Variants in SLC4A4 observed in about 807,000 individuals in gnomAD.
SLC4A4 encodes solute carrier family 4 member 4.
SLC4A4 carries 27 observed loss-of-function variants against 111.5 expected under a neutral mutation model. The observed-to-expected ratio is 0.24, with a 90% CI of 0.18 to 0.33. The LOEUF (loss-of-function observed/expected upper bound fraction) is 0.33. SLC4A4 is among the 10% of genes least tolerant of loss of function. The pLI is 1.00. For synonymous variants in SLC4A4, 443 were observed against 463.4 expected, an observed-to-expected ratio of 0.96 and a Z score of 0.57; for missense variants, 909 against 1,315.5, an observed-to-expected ratio of 0.69 and a Z score of 4.78.
chr4:71,536,485 T>TATATATAAAA lies in SLC4A4; in HGVS notation c.2442+2099_2442+2100insATATAAAAAT, dbSNP rs760037325. On this transcript the variant is annotated intron_variant, in intron 18 of 25. Coordinates refer to ENST00000264485, the MANE Select transcript of SLC4A4 (RefSeq NM_001098484.3). ...ATATACATATATATATATATATATATATGTATATATTTATTTATTTATTTA... is the reference window on the plus strand; with the variant it reads ...ATATACATATATATATATATATATATATATATAAAAATGTATATATTTATTTATTTATTTA... 7.6e-4 allele frequency among the ~76,000 whole-genome samples: 64 copies of TATATATAAAA among 84,020 alleles called. 1 individual carries two copies. Among genetic ancestry groups the TATATATAAAA allele is most frequent in the South Asian group, 1.1e-3 (2 of 1,788 alleles). 55.1% of individuals were successfully genotyped at this position (84,020 alleles called of 152,430 possible).
chr4:71,491,955 A>T lies in SLC4A4; in HGVS notation c.1974+4937A>T, dbSNP rs781491846. 2.4e-4 allele frequency among the ~76,000 whole-genome samples: 37 copies of T among 151,346 alleles called. 1 individual carries two copies. The highest frequency in any genetic ancestry group is 2.2e-4 in the Non-Finnish European group (15 of 67,780). On this transcript the variant is annotated intron_variant, in intron 15 of 25. Coordinates refer to ENST00000264485, the MANE Select transcript of SLC4A4 (RefSeq NM_001098484.3). Reference sequence around the variant, plus strand: ...TACAGAACCTTTAATTATTATTTTTATTATTATTATTACTTATTATACTAC... The same window carrying T: ...TACAGAACCTTTAATTATTATTTTTTTTATTATTATTACTTATTATACTAC...
At chr4:71,240,550 C>G (rs569215407) in intron 2 of SLC4A4, among the ~76,000 whole-genome samples, 1 of 152,062 alleles carries the variant, frequency 6.6e-6, no homozygotes, top group African/African-American at 2.4e-5. Context: ...AAGTATGCAC[C>G]CATCTGTCCC....
At chr4:71,421,952 C>G (rs1170343566) in intron 7 of SLC4A4, among the ~76,000 whole-genome samples, 1 of 152,022 alleles carries the variant, frequency 6.6e-6, no homozygotes, top group African/African-American at 2.4e-5. Context: ...CAAACACATT[C>G]AAAAGCTAGC....
intron 1 of SLC4A4, among the ~76,000 whole-genome samples, chr4:71,065,351 T>A (rs902896025): frequency 1.4e-5 from 2 of 141,402 alleles, no homozygotes; most frequent in Non-Finnish European, 3.3e-5. Flanking sequence ...TCTGATGCTA[T>A]GCTTGGAGTA....
chr4:71,313,521 A>G (rs1726390745), intron 3 of SLC4A4, among the ~76,000 whole-genome samples: 1 of 152,238 alleles, frequency 6.6e-6, no homozygotes, highest in African/African-American at 2.4e-5. Flanking sequence ...ACCTGACTTC[A>G]AACTACAAGG....
chr4:71,109,775 C>T (rs28480090), intron 2 of SLC4A4, among the ~76,000 whole-genome samples: 39,418 of 151,918 alleles, frequency 0.26, 7,328 homozygotes, highest in African/African-American at 0.53. Flanking sequence ...AACCCTGACC[C>T]CAAGTGATCT....
At chr4:71,068,616 G>A (rs1166647252) in intron 1 of SLC4A4, among the ~76,000 whole-genome samples, 1 of 150,796 alleles carries the variant, frequency 6.6e-6, no homozygotes, top group East Asian at 2.0e-4. Flanking sequence ...CTAGGGTGGC[G>A]GGATCACCGC....
At chr4:71,141,779 G>A (rs1744005081) in intron 2 of SLC4A4, among the ~76,000 whole-genome samples, 1 of 152,152 alleles carries the variant, frequency 6.6e-6, no homozygotes, top group African/African-American at 2.4e-5. Flanking sequence ...ATATTGGATG[G>A]ATGAATCAAT....
intron 1 of SLC4A4, among the ~76,000 whole-genome samples, chr4:71,067,753 C>G (rs1397367391): frequency 2.7e-5 from 4 of 146,320 alleles, no homozygotes. Context: ...GCCTCTTAAA[C>G]TTTTTTTTTT....
Position 71,353,156 on chromosome 4 carries a change from T to C in SLC4A4, c.550+3084T>C, listed in dbSNP as rs73826280. 7.9e-3 allele frequency among the ~76,000 whole-genome samples: 1,204 copies of C among 152,368 alleles called. 17 individuals carry two copies. The highest frequency in any genetic ancestry group is 0.026 in the African/African-American group (1,067 of 41,592). On this transcript the variant is annotated intron_variant, in intron 5 of 25. Coordinates refer to ENST00000264485, the MANE Select transcript of SLC4A4 (RefSeq NM_001098484.3). ...GGTTAGCCAAGCATTTTGTGGTTTC[T>C]CTTCAATTTTTCGTTACTTTTTATT...
At chr4:71,379,562 C>G (rs1717899354) in intron 6 of SLC4A4, among the ~76,000 whole-genome samples, 2 of 152,108 alleles carry the variant, frequency 1.3e-5, no homozygotes, top group Admixed American at 1.3e-4. Context: ...TCTCATAACC[C>G]CAACCCCCTT....
intron 6 of SLC4A4, among the ~76,000 whole-genome samples, chr4:71,357,757 G>T (rs1730415431): frequency 6.6e-6 from 1 of 152,110 alleles, no homozygotes; most frequent in African/African-American, 2.4e-5. Context: ...TATTCAAGAT[G>T]GGATATTAAC....
chr4:71,133,097 T>G (rs1743751186), intron 2 of SLC4A4, among the ~76,000 whole-genome samples: 1 of 152,176 alleles, frequency 6.6e-6, no homozygotes. Flanking sequence ...TGTGCAAATT[T>G]GGAAAATTTT....
intron 7 of SLC4A4, chr4:71,437,544 A>C: frequency 2.0e-6 from 1 of 494,310 alleles, no homozygotes; most frequent in Non-Finnish European, 4.1e-6. Context: ...CTTTGCTGAA[A>C]ACAATGCTTG....
At chr4:71,453,392 A>C in intron 11 of SLC4A4, 103 bp from the exon 12 acceptor site, 1 of 1,146,358 alleles carries the variant, frequency 8.7e-7, no homozygotes, top group Non-Finnish European at 1.3e-6. Flanking sequence ...TCACTGATTC[A>C]AGCATTTTAA....
intron 2 of SLC4A4, among the ~76,000 whole-genome samples, chr4:71,141,561 A>G (rs1293745073): frequency 6.6e-6 from 1 of 151,810 alleles, no homozygotes; most frequent in Non-Finnish European, 1.5e-5. Flanking sequence ...GCTCCCTCTC[A>G]CTTCACTTGG....
intron 3 of SLC4A4, among the ~76,000 whole-genome samples, chr4:71,313,171 A>G (rs1479681370): frequency 1.3e-5 from 2 of 152,244 alleles, no homozygotes; most frequent in African/African-American, 2.4e-5. Context: ...GTGAACTTTC[A>G]TTCACAATTG....
chr4:71,360,279 G>A (rs1730656542), intron 6 of SLC4A4, among the ~76,000 whole-genome samples: 1 of 151,956 alleles, frequency 6.6e-6, no homozygotes, highest in East Asian at 1.9e-4. Flanking sequence ...GAAATGGGCT[G>A]TTATGGTAGT....
rs1727093606 is a variant in SLC4A4 at position 71,464,083 on chromosome 4, C to A, written c.1498-2361C>A. Among the ~76,000 whole-genome samples the A allele has an allele frequency of 2.0e-5, 3 of 152,118 alleles. No homozygotes were observed. The South Asian group carries it at 6.2e-4, about 32-fold the overall frequency. ...CCACAGGAAGCATTCAAGCTTCTAC[C>A]TTTCATCTTATGCATACACTGGTGT... On this transcript the variant is annotated intron_variant, in intron 12 of 25. Transcript: ENST00000264485.
Sources: gnomAD v4.1 joint callset for allele counts (sites outside exome capture counted in the v4.1 genomes callset) on GRCh38, gnomAD v4.1.1 for gene constraint, MANE v1.5 for transcripts, NCBI Gene and HGNC (gene_info 2026-07-23, HGNC 2026-07-21) for gene names.